The following PBX1 variants were observed in gnomAD, a reference collection of about 807,000 sequenced individuals.
PBX1 encodes PBX homeobox 1.
PBX1 carries 6 observed loss-of-function variants against 53.4 expected under a neutral mutation model. That is an observed-to-expected ratio of 0.11 (90% confidence interval 0.06 to 0.22). The LOEUF (loss-of-function observed/expected upper bound fraction) is 0.22. PBX1 is among the 10% of genes least tolerant of loss of function. PBX1 has a pLI of 1.00. For synonymous variants in PBX1, 204 were observed against 212.3 expected, an observed-to-expected ratio of 0.96 and a Z score of 0.34; for missense variants, 251 against 551.4, an observed-to-expected ratio of 0.46 and a Z score of 5.46.
intron 2 of PBX1, among the ~76,000 whole-genome samples, chr1:164,681,090 A>G (rs1233823334): frequency 1.4e-5 from 1 of 73,982 alleles, no homozygotes; most frequent in East Asian, 4.2e-4. Context: ...CTAAGAATTT[A>G]AAAATTAACC....
chr1:164,777,739 A>G (rs1667740994), intron 2 of PBX1, among the ~76,000 whole-genome samples: 1 of 152,208 alleles, frequency 6.6e-6, no homozygotes, highest in Admixed American at 6.5e-5. Flanking sequence ...CAGTTTTGCA[A>G]TCAGCAGCAT....
chr1:164,713,218 T>G (rs965989136), intron 2 of PBX1, among the ~76,000 whole-genome samples: 3 of 152,160 alleles, frequency 2.0e-5, no homozygotes, highest in African/African-American at 7.2e-5. Flanking sequence ...CCTTTGAACT[T>G]TTCTCTATGT....
chr1:164,617,106 G>A (rs1273996019), intron 2 of PBX1, among the ~76,000 whole-genome samples: 5 of 152,046 alleles, frequency 3.3e-5, no homozygotes, highest in Admixed American at 6.5e-5. Context: ...AAAGCTCATT[G>A]GCCATGTGCT....
At chr1:164,793,847 CTTTCT>C (rs757016098) in intron 3 of PBX1, among the ~76,000 whole-genome samples, 42 of 125,656 alleles carry the variant, frequency 3.3e-4, no homozygotes, top group Admixed American at 8.3e-4. Flanking sequence ...CTTTCCTTAC[CTTTCT>C]TTTCTTTTTT....
At chr1:164,729,476 G>A (rs955053163) in intron 2 of PBX1, among the ~76,000 whole-genome samples, 11 of 151,950 alleles carry the variant, frequency 7.2e-5, no homozygotes, top group East Asian at 3.9e-4. Context: ...AAGATGTTGT[G>A]TAAATATGTA....
chr1:164,725,850 C>G (rs1315078090), intron 2 of PBX1, among the ~76,000 whole-genome samples: 1 of 152,152 alleles, frequency 6.6e-6, no homozygotes, highest in African/African-American at 2.4e-5. Context: ...AAATAAGTGA[C>G]TTGCCCAAGA....
At position 164,660,549 on chromosome 1, in the gene PBX1, TA is replaced by T. The variant is rs1213146404; in HGVS notation, c.265+97239del. Among the ~76,000 whole-genome samples the T allele has an allele frequency of 3.3e-5, 5 of 151,610 alleles. No individual in the cohort carries two copies. The East Asian group carries it at 9.8e-4, about 30-fold the overall frequency. On this transcript the variant is annotated intron_variant, in intron 2 of 8. Coordinates refer to ENST00000420696, the MANE Select transcript of PBX1 (RefSeq NM_002585.4). ...ACTTGCTCCTTGTCACCCTATCAGC[TA>T]GATTAAAACCACAGTCAGTTGTAGT...
intron 2 of PBX1, chr1:164,682,174 A>G (rs36036531): frequency 2.6e-5 from 4 of 152,232 alleles, no homozygotes; most frequent in Admixed American, 2.0e-4. Flanking sequence ...TTTACATCTG[A>G]TGGAAAGAAT....
At chr1:164,852,093 C>G (rs147615633), downstream of PBX1, among the ~76,000 whole-genome samples, 997 of 152,278 alleles carry the variant, frequency 6.5e-3, 10 homozygotes, top group African/African-American at 0.022. Flanking sequence ...TTGCTACTGG[C>G]AGCCATCCAC....
intron 2 of PBX1, among the ~76,000 whole-genome samples, chr1:164,776,001 CTAA>C (rs2102260951): frequency 6.6e-6 from 1 of 152,276 alleles, no homozygotes; most frequent in South Asian, 2.1e-4. Context: ...TCTCTGTATA[CTAA>C]TAATCGGTTT....
At chr1:164,667,731 G>C (rs150260121) in intron 2 of PBX1, among the ~76,000 whole-genome samples, 1 of 152,194 alleles carries the variant, frequency 6.6e-6, no homozygotes, top group African/African-American at 2.4e-5. Flanking sequence ...TCAAATACTT[G>C]TGCAGGAGTG....
intron 2 of PBX1, among the ~76,000 whole-genome samples, chr1:164,649,393 G>A (rs1041469597): frequency 2.0e-5 from 3 of 152,022 alleles, no homozygotes; most frequent in African/African-American, 2.4e-5. Context: ...AACTATTTTC[G>A]AATGTAGAGA....
chr1:164,709,193 A>G (rs1244926615), intron 2 of PBX1, among the ~76,000 whole-genome samples: 2 of 152,120 alleles, frequency 1.3e-5, no homozygotes, highest in African/African-American at 4.8e-5. Flanking sequence ...TCAAGGCTCC[A>G]TTTGTCTCTG....
At chr1:164,866,467 T>A (rs1672221212) in intron 2 of PBX1, among the ~76,000 whole-genome samples, 1 of 152,230 alleles carries the variant, frequency 6.6e-6, no homozygotes, top group Non-Finnish European at 1.5e-5. Flanking sequence ...ACAGACAAAC[T>A]GTGACCCAAA....
intron 2 of PBX1, chr1:164,684,633 C>G (rs762504202): frequency 6.6e-6 from 1 of 152,130 alleles, no homozygotes; most frequent in Non-Finnish European, 1.5e-5. Context: ...CATCAAGATA[C>G]ATGAAGAAGT....
chr1:164,698,374 G>A (rs1275230314), intron 2 of PBX1, among the ~76,000 whole-genome samples: 2 of 152,184 alleles, frequency 1.3e-5, no homozygotes, highest in Admixed American at 1.3e-4. Flanking sequence ...TTCGTACATT[G>A]TAGTTCTCAT....
rs535914026 is a variant in PBX1, at chr1:164,627,890, A to T, written c.265+64579A>T. 2.6e-5 allele frequency among the ~76,000 whole-genome samples: 4 copies of T among 152,306 alleles called. No homozygotes were observed. The East Asian group carries it at 7.7e-4, about 29-fold the overall frequency. On this transcript the variant is annotated intron_variant, in intron 2 of 8. Transcript: ENST00000420696. ...CTGTGTTAGAGAAGAAGGCCCCTGA[A>T]TTTACCCAAGCTGGTTCTCTGCTAT...
intron 2 of PBX1, among the ~76,000 whole-genome samples, chr1:164,633,089 A>G (rs1309468601): frequency 3.3e-5 from 5 of 152,072 alleles, no homozygotes; most frequent in African/African-American, 1.2e-4. Context: ...TCAATGTAGA[A>G]TGTCCTTGAA....
intron 2 of PBX1, among the ~76,000 whole-genome samples, chr1:164,635,402 C>T (rs905499996): frequency 3.3e-5 from 5 of 152,182 alleles, no homozygotes; most frequent in African/African-American, 9.7e-5. Flanking sequence ...TTTCTCAGTG[C>T]GACTTAGTAA....
Sources: allele counts gnomAD v4.1 joint callset (sites outside exome capture counted in the v4.1 genomes callset), GRCh38; gene constraint gnomAD v4.1.1; transcripts MANE v1.5; gene names NCBI Gene and HGNC (gene_info 2026-07-23, HGNC 2026-07-21).